The following GPM6A variants were observed in gnomAD, a reference collection of about 807,000 sequenced individuals.
The protein encoded by GPM6A is glycoprotein M6A, also known as neuronal membrane glycoprotein M6-a.
A neutral mutation model predicts 32.1 loss-of-function variants in GPM6A; 7 were observed. The ratio of observed to expected loss-of-function variants is 0.22; its 90% CI spans 0.12 to 0.41. GPM6A has a LOEUF of 0.41. Ranked by LOEUF, GPM6A falls within the 10% of genes least tolerant of loss-of-function variation. The pLI, the probability that GPM6A is intolerant of heterozygous loss-of-function variation, is 1.00. For synonymous variants in GPM6A, 130 were observed against 123.4 expected, an observed-to-expected ratio of 1.05 and a Z score of -0.35; for missense variants, 235 against 347.2, an observed-to-expected ratio of 0.68 and a Z score of 2.57.
chr4:175,703,776 T>C (rs946275052), intron 1 of GPM6A, among the ~76,000 whole-genome samples: 1 of 152,172 alleles, frequency 6.6e-6, no homozygotes, highest in African/African-American at 2.4e-5. Flanking sequence ...AAGGAGAATT[T>C]AGATGAGAGA....
rs563004613 is a variant in GPM6A, at chr4:175,941,313, C to T, written c.-23+60996G>A. Among the ~76,000 whole-genome samples the T allele has an allele frequency of 4.6e-5, 7 of 152,212 alleles. No individual in the cohort carries two copies. The South Asian group carries it at 6.2e-4, about 14-fold the overall frequency. Reference sequence around the variant, plus strand: ...GTTAGGGATAATACTAGAGACGTCTCATTTGTAATAAGCCTTCATCTTTTA... The same window carrying T: ...GTTAGGGATAATACTAGAGACGTCTTATTTGTAATAAGCCTTCATCTTTTA... On this transcript the variant is annotated intron_variant, in intron 1 of 7. Transcript: ENST00000280187.
chr4:175,681,592 T>A (rs1743690965), intron 2 of GPM6A, among the ~76,000 whole-genome samples: 1 of 152,104 alleles, frequency 6.6e-6, no homozygotes, highest in African/African-American at 2.4e-5. Flanking sequence ...GGTGTTTGGA[T>A]CATGAGAACA....
intron 1 of GPM6A, among the ~76,000 whole-genome samples, chr4:175,910,856 A>G (rs1283121841): frequency 6.6e-6 from 1 of 152,152 alleles, no homozygotes; most frequent in East Asian, 1.9e-4. Context: ...CTCTACTCCT[A>G]TAGCCCGAAG....
chr4:175,847,337 T>C (rs1736121615), intron 1 of GPM6A, among the ~76,000 whole-genome samples: 1 of 152,156 alleles, frequency 6.6e-6, no homozygotes, highest in Non-Finnish European at 1.5e-5. Context: ...TCAACCGCAG[T>C]CCAAAAATAT....
chr4:175,692,142 TC>T (rs372241208), intron 2 of GPM6A, among the ~76,000 whole-genome samples: 1 of 151,972 alleles, frequency 6.6e-6, no homozygotes, highest in Non-Finnish European at 1.5e-5. Context: ...TTGTGGTAAT[TC>T]TTTTTTGCAG....
chr4:175,941,889 T>G (rs1171526967), intron 1 of GPM6A, among the ~76,000 whole-genome samples: 1 of 152,234 alleles, frequency 6.6e-6, no homozygotes, highest in Non-Finnish European at 1.5e-5. Flanking sequence ...CCTTTGGGTA[T>G]ATACCCAGTA....
At chr4:175,686,602 A>G (rs758620723) in intron 2 of GPM6A, among the ~76,000 whole-genome samples, 4 of 152,182 alleles carry the variant, frequency 2.6e-5, no homozygotes, top group Non-Finnish European at 5.9e-5. Flanking sequence ...AGTCAGGAAC[A>G]AGCAAGGAGC....
At chr4:175,637,282 T>TATATATTATATATA (rs1740734521) in intron 6 of GPM6A, among the ~76,000 whole-genome samples, 3 of 51,586 alleles carry the variant, frequency 5.8e-5, no homozygotes, top group African/African-American at 1.9e-4. Flanking sequence ...TATTATATAT[T>TATATATTATATATA]ATATAAAATA....
intron 1 of GPM6A, among the ~76,000 whole-genome samples, chr4:175,766,834 T>C (rs1302270736): frequency 6.6e-6 from 1 of 152,026 alleles, no homozygotes; most frequent in Non-Finnish European, 1.5e-5. Context: ...TTTGCATTTT[T>C]AGTAGGAACA....
At chr4:175,650,282 ATTTATTTAT>A (rs1192511730) in intron 4 of GPM6A, among the ~76,000 whole-genome samples, 4 of 15,076 alleles carry the variant, frequency 2.7e-4, no homozygotes, top group Non-Finnish European at 1.2e-3. Flanking sequence ...TTATTTATTT[ATTTATTTAT>A]TTATTTATTT....
chr4:175,685,639 T>A (rs959180659), intron 2 of GPM6A, among the ~76,000 whole-genome samples: 1 of 152,332 alleles, frequency 6.6e-6, no homozygotes, highest in Non-Finnish European at 1.5e-5. Flanking sequence ...GAGTTTTATT[T>A]CTTGTTTGCC....
chr4:175,704,338 C>CAT (rs1560885847), intron 1 of GPM6A, among the ~76,000 whole-genome samples: 1 of 151,060 alleles, frequency 6.6e-6, no homozygotes, highest in Non-Finnish European at 1.5e-5. Flanking sequence ...CACACACACA[C>CAT]GTGCACGTGT....
intron 1 of GPM6A, among the ~76,000 whole-genome samples, chr4:175,792,856 A>G (rs968042942): frequency 1.3e-5 from 2 of 152,160 alleles, no homozygotes; most frequent in Admixed American, 1.3e-4. Flanking sequence ...TTTCAAACAT[A>G]AAACAAATAA....
intron 1 of GPM6A, among the ~76,000 whole-genome samples, chr4:175,858,361 G>A (rs192585490): frequency 6.6e-5 from 10 of 151,978 alleles, no homozygotes; most frequent in South Asian, 2.1e-4. Flanking sequence ...AAGAAACCCC[G>A]TCTCTACTAA....
intron 1 of GPM6A, among the ~76,000 whole-genome samples, chr4:175,750,144 T>C (rs1227020037): frequency 1.3e-5 from 2 of 151,788 alleles, no homozygotes; most frequent in Non-Finnish European, 2.9e-5. Flanking sequence ...CTGCAACCTC[T>C]GCCTCCCAGG....
chr4:175,677,493 G>A (rs981355549), intron 2 of GPM6A, among the ~76,000 whole-genome samples: 1 of 151,882 alleles, frequency 6.6e-6, no homozygotes, highest in Admixed American at 6.6e-5. Context: ...ACAAATGAAT[G>A]GGGGGGAAGA....
intron 1 of GPM6A, among the ~76,000 whole-genome samples, chr4:175,826,027 G>A (rs1228786712): frequency 6.6e-6 from 1 of 152,002 alleles, no homozygotes; most frequent in Non-Finnish European, 1.5e-5. Context: ...AAATTAGAGG[G>A]CATGGTGGAG....
chr4:175,929,718 A>G (rs1276763712), intron 1 of GPM6A, among the ~76,000 whole-genome samples: 5 of 152,200 alleles, frequency 3.3e-5, no homozygotes, highest in Admixed American at 2.0e-4. Context: ...AGTTAATCCA[A>G]TAGGTGTAAA....
At chr4:175,971,363 T>G (rs1740497374) in intron 1 of GPM6A, among the ~76,000 whole-genome samples, 1 of 152,174 alleles carries the variant, frequency 6.6e-6, no homozygotes, top group African/African-American at 2.4e-5. Context: ...TCTGATCATA[T>G]TTATTTTCAC....
Sources: allele counts gnomAD v4.1 joint callset (sites outside exome capture counted in the v4.1 genomes callset), GRCh38; gene constraint gnomAD v4.1.1; transcripts MANE v1.5; gene names NCBI Gene and HGNC (gene_info 2026-07-23, HGNC 2026-07-21).